The following FOXK1 variants were observed in gnomAD, a reference collection of about 807,000 sequenced individuals.
FOXK1 encodes the protein forkhead box K1.
FOXK1 carries 19 observed loss-of-function variants against 51.9 expected under a neutral mutation model. The ratio of observed to expected loss-of-function variants is 0.37; its 90% CI spans 0.26 to 0.54. FOXK1 has a LOEUF of 0.54. Ranked by LOEUF, FOXK1 falls within the 20% of genes least tolerant of loss-of-function variation. The probability of loss-of-function intolerance (pLI) is 0.87; values close to 1 mark genes in which losing one functional copy is unlikely to be tolerated. For missense variants in FOXK1, 870 were observed against 1,032.7 expected, an observed-to-expected ratio of 0.84 and a Z score of 2.16; for synonymous variants, 537 against 482.6, an observed-to-expected ratio of 1.11 and a Z score of -1.48.
chr7:4,744,223 A>G (rs960755326), intron 2 of FOXK1, among the ~76,000 whole-genome samples: 2 of 152,160 alleles, frequency 1.3e-5, no homozygotes, highest in African/African-American at 4.8e-5. Flanking sequence ...GTTAAGTGAT[A>G]CCTGTGTTTT....
chr7:4,724,114 C>T (rs75421513), intron 1 of FOXK1, among the ~76,000 whole-genome samples: 2,003 of 152,258 alleles, frequency 0.013, 44 homozygotes, highest in African/African-American at 0.045. Context: ...TGAATGGCTG[C>T]GCACCAGGCA....
chr7:4,705,729 G>A (rs1239984291), intron 1 of FOXK1, among the ~76,000 whole-genome samples: 1 of 151,092 alleles, frequency 6.6e-6, no homozygotes, highest in African/African-American at 2.4e-5. Context: ...AGTAGAGAGG[G>A]GGTTTCACCA....
chr7:4,706,603 C>G (rs891984963), intron 1 of FOXK1, among the ~76,000 whole-genome samples: 4 of 152,158 alleles, frequency 2.6e-5, no homozygotes, highest in African/African-American at 9.7e-5. Flanking sequence ...GACACCCACC[C>G]CACCAGCTGG....
intron 2 of FOXK1, among the ~76,000 whole-genome samples, chr7:4,750,541 C>G (rs527566717): frequency 6.6e-5 from 10 of 151,692 alleles, no homozygotes. Context: ...CTCCCAGGTT[C>G]ACGCCATTCT....
chr7:4,727,713 C>T (rs1276321670), intron 1 of FOXK1, among the ~76,000 whole-genome samples: 2 of 152,262 alleles, frequency 1.3e-5, no homozygotes, highest in Non-Finnish European at 1.5e-5. Flanking sequence ...GGCCCTGTCC[C>T]ACCTTCCCGT....
rs71032990 is a variant in FOXK1, at chr7:4,769,443, CT to C, written c.*6992del. Reference sequence around the variant, plus strand: ...CGGTCTCCAAGTCACTCTGTCACCACTTTTTTTTTTTTTGAGATGGAGTCTC... The same window carrying C: ...CGGTCTCCAAGTCACTCTGTCACCACTTTTTTTTTTTTGAGATGGAGTCTC... On this transcript the variant is annotated 3_prime_UTR_variant, in exon 9 of 9. Coordinates refer to ENST00000328914, the MANE Select transcript of FOXK1 (RefSeq NM_001037165.2). The surrounding 1 kb of genome is among the most constrained non-coding windows in gnomAD (Gnocchi z 4.1). 1,060 of 145,984 alleles carry C rather than the reference CT, an allele frequency of 7.3e-3. 17 individuals carry two copies. Among genetic ancestry groups the C allele is most frequent in the East Asian group, 0.042 (211 of 5,042 alleles). The allele number at this position is 145,984 out of a possible 1,614,324, so 9.0% of individuals were successfully genotyped here. A position where few individuals can be genotyped will look rare whatever the true frequency, so the allele number is the denominator to read the frequency against.
chr7:4,752,416 C>G (rs1032133380), intron 2 of FOXK1, among the ~76,000 whole-genome samples: 2 of 152,206 alleles, frequency 1.3e-5, no homozygotes. Context: ...AATTGCTGGG[C>G]TTACAGGCAT....
rs748907640 is a variant in FOXK1 at position 4,734,137 on chromosome 7, C to T, written c.561-6701C>T. Among the ~76,000 whole-genome samples, 46 of 152,176 alleles carry T rather than the reference C, an allele frequency of 3.0e-4. No homozygotes were observed. The highest frequency in any genetic ancestry group is 5.1e-4 in the Non-Finnish European group (35 of 68,028). The stretch of plus-strand genomic sequence containing the variant: ...CGTGCCGCCCAGCTCCTAGAAGACA[C>T]GCGACTCCACAGCAGTTAGGAGACA... On this transcript the variant is annotated intron_variant, in intron 1 of 8. Coordinates refer to ENST00000328914, the MANE Select transcript of FOXK1 (RefSeq NM_001037165.2). The surrounding 1 kb of genome is among the most constrained non-coding windows in gnomAD (Gnocchi z 5.2).
intron 1 of FOXK1, among the ~76,000 whole-genome samples, chr7:4,728,418 A>G (rs1780408047): frequency 6.6e-6 from 1 of 152,090 alleles, no homozygotes; most frequent in African/African-American, 2.4e-5. Context: ...TCACATGTAA[A>G]CTTGTTTCTA....
intron 7 of FOXK1, 121 bp downstream of exon 7, chr7:4,759,716 G>C: frequency 8.7e-7 from 1 of 1,143,694 alleles, no homozygotes. Context: ...CTCTGCTTCT[G>C]CCTCTCGCTG....
At chr7:4,736,414 GTT>G (rs1251974538) in intron 1 of FOXK1, among the ~76,000 whole-genome samples, 5 of 131,262 alleles carry the variant, frequency 3.8e-5, no homozygotes, top group Admixed American at 7.6e-5. Flanking sequence ...AATCAGTTTT[GTT>G]TTTTTTTTTT....
intron 1 of FOXK1, among the ~76,000 whole-genome samples, chr7:4,717,481 GCA>G (rs1297714464): frequency 0.043 from 6,433 of 148,552 alleles, 456 homozygotes; most frequent in African/African-American, 0.14. Context: ...TGGCTGGGAG[GCA>G]TGTGGCTGGG....
chr7:4,701,958 G>A (rs1305383783), intron 1 of FOXK1, among the ~76,000 whole-genome samples: 3 of 151,990 alleles, frequency 2.0e-5, no homozygotes, highest in Admixed American at 6.6e-5. Context: ...GCCTGTACTC[G>A]CAGCTACTTG....
rs1780237300 is a variant in FOXK1, at chr7:4,716,520, A to G, written c.561-24318A>G. On this transcript the variant is annotated intron_variant, in intron 1 of 8. Transcript: ENST00000328914. Reference sequence around the variant, plus strand: ...GGCCCTGTGTCCCAAAAAAAAAGAGAAAAGAAATACAAACCAGCAGAATGG... The same window carrying G: ...GGCCCTGTGTCCCAAAAAAAAAGAGGAAAGAAATACAAACCAGCAGAATGG... Among the ~76,000 whole-genome samples the G allele has an allele frequency of 2.0e-5, 3 of 152,086 alleles. No individual in the cohort carries two copies. The South Asian group carries it at 6.2e-4, about 31-fold the overall frequency.
At chr7:4,693,244 T>G (rs893225153) in intron 1 of FOXK1, among the ~76,000 whole-genome samples, 16 of 152,188 alleles carry the variant, frequency 1.1e-4, no homozygotes, top group Non-Finnish European at 2.2e-4. Context: ...ATAGTTAAAC[T>G]TGATCCCTTC....
In FOXK1 at chr7:4,763,867, C is replaced by A; in HGVS notation, c.*1403C>A. On this transcript the variant is annotated 3_prime_UTR_variant, in exon 9 of 9. Coordinates refer to ENST00000328914, the MANE Select transcript of FOXK1 (RefSeq NM_001037165.2). ...TCGTAAAGGTCAGCTGTCAGTTTTG[C>A]TGGCCGCTCCGGCGCTGGCTCTCCT... 1 of 152,424 alleles carries A rather than the reference C, an allele frequency of 6.6e-6. No homozygotes were observed. The highest frequency in any genetic ancestry group is 1.5e-5 in the Non-Finnish European group (1 of 68,076). The allele number at this position is 152,424 out of a possible 1,614,324, so 9.4% of individuals were successfully genotyped here.
chr7:4,745,871 C>T lies in FOXK1; in HGVS notation c.746+4848C>T, dbSNP rs191753095. Among the ~76,000 whole-genome samples, 51 of 145,666 alleles carry T rather than the reference C, an allele frequency of 3.5e-4. No homozygotes were observed. The highest frequency in any genetic ancestry group is 3.0e-3 in the South Asian group (13 of 4,282). On this transcript the variant is annotated intron_variant, in intron 2 of 8. Transcript: ENST00000328914. The surrounding 1 kb of genome is among the most constrained non-coding windows in gnomAD (Gnocchi z 4.3). ...CACCACTCCAGACTGGGCGGCAGAGCGAGACTCCATCTCAAAAAAAAAAGT... is the reference window on the plus strand; with the variant it reads ...CACCACTCCAGACTGGGCGGCAGAGTGAGACTCCATCTCAAAAAAAAAAGT...
rs1328212008 is a variant in FOXK1, at chr7:4,761,676, G to A, written c.1921+388G>A. ...TGCTCCGCTACCTGCCAGCCTGGGTGACTGAGCGAGACCCTGTCCCTTTAA... is the reference window on the plus strand; with the variant it reads ...TGCTCCGCTACCTGCCAGCCTGGGTAACTGAGCGAGACCCTGTCCCTTTAA... On this transcript the variant is annotated intron_variant, in intron 8 of 8. Coordinates refer to ENST00000328914, the MANE Select transcript of FOXK1 (RefSeq NM_001037165.2). This position sits in a 1 kb window ranked among gnomAD's most constrained non-coding sequence, Gnocchi z 6.2. Among the ~76,000 whole-genome samples the A allele has an allele frequency of 3.3e-5, 5 of 152,062 alleles. No individual in the cohort carries two copies. Among genetic ancestry groups the A allele is most frequent in the Non-Finnish European group, 7.4e-5 (5 of 68,008 alleles).
chr7:4,754,653 C>A, intron 3 of FOXK1, 38 bp downstream of exon 3: 1 of 1,587,942 alleles, frequency 6.3e-7, no homozygotes, highest in Non-Finnish European at 8.5e-7. Flanking sequence ...ACCTGGTGAC[C>A]CAGGATCGGG....
Sources: gnomAD v4.1 joint callset for allele counts (sites outside exome capture counted in the v4.1 genomes callset) on GRCh38, gnomAD v4.1.1 for gene constraint, Gnocchi (gnomAD v3.1) non-coding constraint, MANE v1.5 for transcripts, NCBI Gene and HGNC (gene_info 2026-07-23, HGNC 2026-07-21) for gene names.